The following COL5A3 variants were observed in gnomAD, a reference collection of about 807,000 sequenced individuals.
COL5A3 encodes the protein collagen alpha-3(V) chain.
In COL5A3, 172 loss-of-function variants were observed where a neutral mutation model predicts 250.0. That is an observed-to-expected ratio of 0.69 (90% CI 0.61 to 0.78). The LOEUF (loss-of-function observed/expected upper bound fraction) is 0.78, where lower values mean the gene tolerates loss of function less well. Ranked by LOEUF, COL5A3 falls within the 30% of genes least tolerant of loss-of-function variation. The pLI, the probability that COL5A3 is intolerant of heterozygous loss-of-function variation, is 0.00. For missense variants in COL5A3, 2,340 were observed against 2,334.4 expected (o/e 1.00, Z -0.05); for synonymous variants, 937 against 900.4 (o/e 1.04, Z -0.73).
rs530865637 is a variant in COL5A3 at position 9,979,138 on chromosome 19, C to A, written c.2868G>T (p.Gly956=). The A allele has an allele frequency of 6.3e-7, 1 of 1,581,616 alleles. No individual in the cohort carries two copies. The highest frequency in any genetic ancestry group is 1.2e-5 in the South Asian group (1 of 86,190). The change falls in exon 39 of 67, where the codon GGG becomes GGT. Residue 956 remains glycine (G), a synonymous_variant. Transcript: ENST00000264828. The stretch of plus-strand genomic sequence containing the variant: ...CCAGTGGACAGTGTCTCACCTTGGC[C>A]CCCTCTCTGCCTTCCAGGCCAGGAA... The part of the protein sequence containing the change: ...QGLPGLEGRE[G]AKGELGPPGP...
At chr19:9,988,813 G>A (rs372668061) in intron 27 of COL5A3, among the ~76,000 whole-genome samples, 162 of 111,356 alleles carry the variant, frequency 1.5e-3, no homozygotes, top group Middle Eastern at 0.017. Context: ...CAGCCTGGGC[G>A]ACAAAGCGAG....
intron 45 of COL5A3, among the ~76,000 whole-genome samples, chr19:9,975,014 C>T (rs2086899917): frequency 6.6e-6 from 1 of 151,306 alleles, no homozygotes; most frequent in Non-Finnish European, 1.5e-5. Flanking sequence ...TCTCCTGCTT[C>T]AGTCTCCTGA....
chr19:9,997,949 A>G, intron 10 of COL5A3, 35 bp downstream of exon 10: 1 of 1,613,030 alleles, frequency 6.2e-7, no homozygotes, highest in Non-Finnish European at 8.5e-7. Context: ...GCTGGAAGGG[A>G]AAGACTGGAA....
intron 32 of COL5A3, among the ~76,000 whole-genome samples, chr19:9,981,831 A>G (rs1201233352): frequency 6.6e-6 from 1 of 152,238 alleles, no homozygotes; most frequent in Non-Finnish European, 1.5e-5. Context: ...ACCCTGTCTC[A>G]TCGATATTGA....
At chr19:9,989,656 G>T in intron 24 of COL5A3, 134 bp from the exon 25 acceptor site, 2 of 794,274 alleles carry the variant, frequency 2.5e-6, no homozygotes, top group Non-Finnish European at 3.9e-6. Context: ...ATCTATCCCA[G>T]CTCTGCCCAA....
chr19:9,992,981 C>A (rs1293170631), intron 20 of COL5A3, 42 bp downstream of exon 20: 1 of 1,610,792 alleles, frequency 6.2e-7, no homozygotes, highest in African/African-American at 1.3e-5. Context: ...CTGACTCCCT[C>A]CCCTGCACCA....
chr19:9,961,413 G>A (rs2086670418), intron 65 of COL5A3, among the ~76,000 whole-genome samples: 1 of 151,778 alleles, frequency 6.6e-6, no homozygotes, highest in Non-Finnish European at 1.5e-5. Context: ...CGCGCAAGTT[G>A]GGGTGCACTG....
Position 9,960,616 on chromosome 19 carries a change from C to T in COL5A3, c.5091+35G>A, listed in dbSNP as rs149842010. 2.2e-4 allele frequency: 352 copies of T among 1,613,598 alleles called. No individual in the cohort carries two copies. In the African/African-American group the frequency reaches 4.0e-3, roughly 18 times the overall value. On this transcript the variant is annotated intron_variant, in intron 66 of 66. Transcript: ENST00000264828. ...CGGGAAGGTGGCCGACATCTTGCCT[C>T]CCCTCTCTAGCTGGCCACTGCCCCA...
rs779076242 is a variant in COL5A3, at chr19:9,973,632, G to A, written c.3613-9C>T. The stretch of plus-strand genomic sequence containing the variant: ...GCGTCCCCTCGCTCACCCTGCAGGA[G>A]GCAAAGTGAGAGTGGGGAGAGGTCC... On this transcript the variant is annotated splice_polypyrimidine_tract_variant and intron_variant, in intron 49 of 66. Coordinates refer to ENST00000264828, the MANE Select transcript of COL5A3 (RefSeq NM_015719.4). The A allele has an allele frequency of 1.2e-6, 2 of 1,612,448 alleles. No individual in the cohort carries two copies. Among genetic ancestry groups the A allele is most frequent in the East Asian group, 4.5e-5 (2 of 44,866 alleles).
intron 32 of COL5A3, among the ~76,000 whole-genome samples, chr19:9,981,610 CTG>C: frequency 6.6e-6 from 1 of 152,330 alleles, no homozygotes; most frequent in African/African-American, 2.4e-5. Context: ...TTCATTAACA[CTG>C]TTACAATACA....
chr19:9,979,044 C>T, intron 39 of COL5A3, 64 bp from the exon 40 acceptor site: 1 of 1,479,780 alleles, frequency 6.8e-7, no homozygotes, highest in Non-Finnish European at 9.1e-7. Context: ...CAATCTGTGA[C>T]TCAGGGCCCC....
At chr19:9,978,224 TACAGACAAGGAA>T (rs1350246937) in intron 41 of COL5A3, among the ~76,000 whole-genome samples, 1 of 152,050 alleles carries the variant, frequency 6.6e-6, no homozygotes, top group African/African-American at 2.4e-5. Context: ...ATGGCTATTT[TACAGACAAGGAA>T]ACTGAGGCTT....
rs761016326 is a variant in COL5A3, at chr19:9,982,126, G to A, written c.2407-8C>T. 1.9e-6 allele frequency: 3 copies of A among 1,589,932 alleles called. No homozygotes were observed. The highest frequency in any genetic ancestry group is 2.3e-5 in the East Asian group (1 of 44,088). On this transcript the variant is annotated splice_polypyrimidine_tract_variant and splice_region_variant and intron_variant, in intron 31 of 66. Coordinates refer to ENST00000264828, the MANE Select transcript of COL5A3 (RefSeq NM_015719.4). ...GGGAAATCCAATAGATCCCTGAGTGGAGAGAATTAGAAAGAAGACATGAGG... is the reference window on the plus strand; with the variant it reads ...GGGAAATCCAATAGATCCCTGAGTGAAGAGAATTAGAAAGAAGACATGAGG...
At chr19:9,970,413 GT>G in intron 54 of COL5A3, among the ~76,000 whole-genome samples, 3 of 95,176 alleles carry the variant, frequency 3.2e-5, no homozygotes, top group African/African-American at 1.0e-4. Flanking sequence ...TGTGGGGTGA[GT>G]GGGGGCTGTA....
intron 31 of COL5A3, among the ~76,000 whole-genome samples, chr19:9,984,149 TGTACCTGGGATTACAG>T (rs1174782808): frequency 6.6e-6 from 1 of 151,942 alleles, no homozygotes; most frequent in African/African-American, 2.4e-5. Flanking sequence ...TCAGCCTCCA[TGTACCTGGGATTACAG>T]GCACCCGCCA....
At chr19:9,989,268 G>A in intron 26 of COL5A3, 54 bp downstream of exon 26, 1 of 1,612,154 alleles carries the variant, frequency 6.2e-7, no homozygotes, top group Non-Finnish European at 8.5e-7. Context: ...CCTGACTGCA[G>A]GCCCTGCCTC....
intron 22 of COL5A3, 40 bp downstream of exon 22, chr19:9,991,964 T>C (rs544166995): frequency 6.3e-7 from 1 of 1,590,632 alleles, no homozygotes; most frequent in East Asian, 2.2e-5. Context: ...GGGGTCAGAG[T>C]GTCAGAAGGG....
intron 30 of COL5A3, 71 bp downstream of exon 30, chr19:9,986,244 G>T: frequency 9.2e-7 from 1 of 1,088,450 alleles, no homozygotes; most frequent in Non-Finnish European, 1.3e-6. Context: ...TATAATAAAA[G>T]GGCAAAGGGC....
At chr19:9,989,198 G>A in intron 26 of COL5A3, 21 bp from the exon 27 acceptor site, 1 of 1,614,016 alleles carries the variant, frequency 6.2e-7, no homozygotes, top group Non-Finnish European at 8.5e-7. Flanking sequence ...AATAAGGTCA[G>A]TGCCATTCTA....
Sources: allele counts gnomAD v4.1 joint callset (sites outside exome capture counted in the v4.1 genomes callset), GRCh38; gene constraint gnomAD v4.1.1; transcripts MANE v1.5; gene names NCBI Gene and HGNC (gene_info 2026-07-23, HGNC 2026-07-21).